The following SDK1 variants were observed in gnomAD, a reference collection of about 807,000 sequenced individuals.
The protein encoded by SDK1 is protein sidekick-1.
SDK1 carries 157 observed loss-of-function variants against 245.5 expected under a neutral mutation model. The observed-to-expected ratio is 0.64, with a 90% confidence interval of 0.56 to 0.73. SDK1 has a LOEUF of 0.73. SDK1 is among the 30% of genes least tolerant of loss of function. The pLI, the probability that SDK1 is intolerant of heterozygous loss-of-function variation, is 0.00. For missense variants in SDK1, 3,583 were observed against 3,002.3 expected, an observed-to-expected ratio of 1.19 and a Z score of -4.52; for synonymous variants, 1,647 against 1,278.5, an observed-to-expected ratio of 1.29 and a Z score of -6.15.
intron 1 of SDK1, among the ~76,000 whole-genome samples, chr7:3,449,501 A>G (rs1009706583): frequency 1.3e-5 from 2 of 152,182 alleles, no homozygotes; most frequent in Admixed American, 6.5e-5. Context: ...CAGATTTGAG[A>G]AGATTTGACT....
At chr7:3,668,880 A>T (rs1299818637) in intron 4 of SDK1, among the ~76,000 whole-genome samples, 4 of 152,208 alleles carry the variant, frequency 2.6e-5, no homozygotes, top group Admixed American at 2.0e-4. Flanking sequence ...TCACTAGCTG[A>T]AAGAGTCACA....
At chr7:3,411,254 A>C (rs1583818410) in intron 1 of SDK1, among the ~76,000 whole-genome samples, 1 of 152,168 alleles carries the variant, frequency 6.6e-6, no homozygotes, top group African/African-American at 2.4e-5. Flanking sequence ...CCAAAAGTAC[A>C]TAAGGGTTGA....
Position 4,268,151 on chromosome 7 carries a change from T to A in SDK1, c.*2767T>A. ...AAAGTCATGCCTTGCGGATGCCTCA[T>A]GACAGCAGTGGCTGAGTCTCCCCAC... On this transcript the variant is annotated 3_prime_UTR_variant, in exon 45 of 45. Transcript: ENST00000404826. The A allele has an allele frequency of 1.0e-6, 1 of 986,974 alleles. No homozygotes were observed. Among genetic ancestry groups the A allele is most frequent in the Non-Finnish European group, 1.2e-6 (1 of 830,926 alleles). 61.1% of individuals were successfully genotyped at this position (986,974 alleles called of 1,614,324 possible). A position where few individuals can be genotyped will look rare whatever the true frequency, so the allele number is the denominator to read the frequency against.
rs1435970063 is a variant in SDK1 at position 3,571,972 on chromosome 7, T to G, written c.299-47108T>G. Reference sequence around the variant, plus strand: ...TTACCTAAGTTACTTACTTGCTATCTGCTGTTAGGAAAAATTTTAAAATCC... The same window carrying G: ...TTACCTAAGTTACTTACTTGCTATCGGCTGTTAGGAAAAATTTTAAAATCC... On this transcript the variant is annotated intron_variant, in intron 1 of 44. Coordinates refer to ENST00000404826, the MANE Select transcript of SDK1 (RefSeq NM_152744.4). 2.6e-5 allele frequency among the ~76,000 whole-genome samples: 4 copies of G among 152,084 alleles called. No homozygotes were observed. The East Asian group carries it at 7.7e-4, about 29-fold the overall frequency.
intron 22 of SDK1, among the ~76,000 whole-genome samples, chr7:4,083,612 CTCTT>C: frequency 2.4e-5 from 3 of 123,640 alleles, no homozygotes; most frequent in Non-Finnish European, 3.4e-5. Flanking sequence ...TCCCTCCCTT[CTCTT>C]GTCCCTCCCT....
chr7:3,656,075 T>G (rs996880082), intron 4 of SDK1, among the ~76,000 whole-genome samples: 1 of 152,198 alleles, frequency 6.6e-6, no homozygotes, highest in Non-Finnish European at 1.5e-5. Flanking sequence ...GAGCACACAT[T>G]AGTATTCACA....
chr7:3,430,922 A>G (rs1457096876), intron 1 of SDK1, among the ~76,000 whole-genome samples: 3 of 152,038 alleles, frequency 2.0e-5, no homozygotes, highest in African/African-American at 7.3e-5. Context: ...GTGTTTTGAG[A>G]TGGAATCTCG....
chr7:3,511,059 A>G (rs1056871657), intron 1 of SDK1, among the ~76,000 whole-genome samples: 1 of 152,176 alleles, frequency 6.6e-6, no homozygotes, highest in African/African-American at 2.4e-5. Context: ...ACAAATGGTG[A>G]CAGTGGCTTG....
chr7:3,846,856 C>T (rs1441659912), intron 5 of SDK1, among the ~76,000 whole-genome samples: 1 of 152,058 alleles, frequency 6.6e-6, no homozygotes, highest in African/African-American at 2.4e-5. Flanking sequence ...CCACGACCCT[C>T]TTTAGTCTGG....
chr7:3,616,024 G>C (rs973600202), intron 1 of SDK1, among the ~76,000 whole-genome samples: 1 of 152,006 alleles, frequency 6.6e-6, no homozygotes, highest in Non-Finnish European at 1.5e-5. Context: ...AGCTGGGACT[G>C]CAGGTGTATA....
chr7:3,940,507 C>G (rs931469035), intron 5 of SDK1, among the ~76,000 whole-genome samples: 1 of 152,202 alleles, frequency 6.6e-6, no homozygotes, highest in African/African-American at 2.4e-5. Flanking sequence ...CCCTGGCCAT[C>G]GTTCTCACTG....
intron 1 of SDK1, among the ~76,000 whole-genome samples, chr7:3,493,454 C>T (rs1781925617): frequency 6.6e-6 from 1 of 152,150 alleles, no homozygotes; most frequent in Non-Finnish European, 1.5e-5. Context: ...AAAAATATTA[C>T]TTCTAGTGTG....
chr7:3,570,223 G>T (rs1396146135), intron 1 of SDK1, among the ~76,000 whole-genome samples: 1 of 152,122 alleles, frequency 6.6e-6, no homozygotes, highest in Non-Finnish European at 1.5e-5. Flanking sequence ...ACAGCCCAGT[G>T]GGCAGGGAGG....
intron 1 of SDK1, among the ~76,000 whole-genome samples, chr7:3,512,042 A>C (rs954854300): frequency 6.6e-6 from 1 of 151,734 alleles, no homozygotes; most frequent in Non-Finnish European, 1.5e-5. Flanking sequence ...GGGTGAATTT[A>C]TGAGGTGTGT....
At chr7:3,549,012 C>T (rs979769249) in intron 1 of SDK1, among the ~76,000 whole-genome samples, 3 of 148,646 alleles carry the variant, frequency 2.0e-5, no homozygotes, top group African/African-American at 7.9e-5. Context: ...AGGTGAGGCG[C>T]CCCCCTTCCT....
Position 4,268,898 on chromosome 7 carries a change from A to G in SDK1, c.*3514A>G. On this transcript the variant is annotated 3_prime_UTR_variant, in exon 45 of 45. Transcript: ENST00000404826. ...CCTACAACTTTTTCTGAAATTGTGC[A>G]GAAAAACAGATCTCATTAAAAGAAA... 2.4e-6 allele frequency: 1 copy of G among 419,852 alleles called. No homozygotes were observed. Among genetic ancestry groups the G allele is most frequent in the Admixed American group, 3.2e-5 (1 of 30,930 alleles). The allele number at this position is 419,852 out of a possible 1,614,324, so 26.0% of individuals were successfully genotyped here.
At chr7:4,036,282 T>C (rs918586488) in intron 17 of SDK1, among the ~76,000 whole-genome samples, 1 of 152,212 alleles carries the variant, frequency 6.6e-6, no homozygotes, top group African/African-American at 2.4e-5. Context: ...GTACAGTGTT[T>C]CTTTAGGTCG....
At chr7:3,501,093 T>C (rs927444763) in intron 1 of SDK1, among the ~76,000 whole-genome samples, 12 of 152,206 alleles carry the variant, frequency 7.9e-5, no homozygotes, top group African/African-American at 2.7e-4. Flanking sequence ...TATGTGCTTA[T>C]AATGCAAAGT....
intron 30 of SDK1, among the ~76,000 whole-genome samples, chr7:4,151,990 A>G (rs745727120): frequency 1.3e-4 from 20 of 152,158 alleles, no homozygotes; most frequent in Non-Finnish European, 2.5e-4. Context: ...CTGAACACCA[A>G]ACTTTCCACA....
Sources: allele counts gnomAD v4.1 joint callset (sites outside exome capture counted in the v4.1 genomes callset), GRCh38; gene constraint gnomAD v4.1.1; transcripts MANE v1.5; gene names NCBI Gene and HGNC (gene_info 2026-07-23, HGNC 2026-07-21).